ST8SIA5: variants seen among roughly 807,000 people sequenced by gnomAD.
ST8SIA5 encodes the protein alpha-2,8-sialyltransferase 8E.
ST8SIA5 carries 24 observed loss-of-function variants against 40.2 expected under a neutral mutation model. The observed-to-expected ratio is 0.60, with a 90% CI of 0.43 to 0.84. The LOEUF (loss-of-function observed/expected upper bound fraction) is 0.84, where lower values mean the gene tolerates loss of function less well. Among genes scored for constraint, ST8SIA5 ranks in the 40% least tolerant of loss-of-function variants. The pLI is 0.00. For synonymous variants in ST8SIA5, 198 were observed against 201.8 expected, an observed-to-expected ratio of 0.98 and a Z score of 0.16; for missense variants, 465 against 498.5, an observed-to-expected ratio of 0.93 and a Z score of 0.64.
intron 1 of ST8SIA5, among the ~76,000 whole-genome samples, chr18:46,735,964 G>T (rs1395985215): frequency 1.3e-5 from 2 of 151,968 alleles, no homozygotes; most frequent in Non-Finnish European, 2.9e-5. Flanking sequence ...AGGAAATTAG[G>T]GGAAGTGGAT....
At chr18:46,708,560 G>A (rs1232593650) in intron 1 of ST8SIA5, among the ~76,000 whole-genome samples, 1 of 152,096 alleles carries the variant, frequency 6.6e-6, no homozygotes, top group Non-Finnish European at 1.5e-5. Flanking sequence ...GCCCCTATCA[G>A]GCTCCCATAC....
Position 46,679,161 on chromosome 18 carries a change from G to A in ST8SIA5, c.*881C>T, listed in dbSNP as rs985012598. The A allele has an allele frequency of 6.6e-6, 1 of 152,258 alleles. No homozygotes were observed. Among genetic ancestry groups the A allele is most frequent in the Non-Finnish European group, 1.5e-5 (1 of 68,052 alleles). 9.4% of individuals were successfully genotyped at this position (152,258 alleles called of 1,614,324 possible). A position where few individuals can be genotyped will look rare whatever the true frequency, so the allele number is the denominator to read the frequency against. ...TTTATAAATAACTCCTGGTTTAAAT[G>A]GAGCTGAAAATAGGAAGACAAAAGA... On this transcript the variant is annotated 3_prime_UTR_variant, in exon 7 of 7. Transcript: ENST00000315087.
chr18:46,681,021 G>A (rs1249938050), intron 6 of ST8SIA5, among the ~76,000 whole-genome samples: 1 of 152,234 alleles, frequency 6.6e-6, no homozygotes, highest in African/African-American at 2.4e-5. Flanking sequence ...ATCCAGGCTG[G>A]AGTGCAGTGG....
At chr18:46,687,084 G>A (rs1011553159) in intron 4 of ST8SIA5, among the ~76,000 whole-genome samples, 1 of 152,190 alleles carries the variant, frequency 6.6e-6, no homozygotes, top group Non-Finnish European at 1.5e-5. Flanking sequence ...AGGGACAAGC[G>A]AACTACATAC....
At chr18:46,736,714 C>T (rs1011491486) in intron 1 of ST8SIA5, among the ~76,000 whole-genome samples, 2 of 152,018 alleles carry the variant, frequency 1.3e-5, no homozygotes, top group African/African-American at 4.8e-5. Flanking sequence ...TTTGGCCTTC[C>T]TTTGCCCAGA....
chr18:46,730,315 A>C, intron 1 of ST8SIA5: 4 of 942,258 alleles, frequency 4.2e-6, no homozygotes, highest in Non-Finnish European at 5.1e-6. Flanking sequence ...CAGTTTTCTC[A>C]TCCGTCAAAG....
chr18:46,712,279 C>G (rs1167004794), intron 1 of ST8SIA5, among the ~76,000 whole-genome samples: 1 of 152,186 alleles, frequency 6.6e-6, no homozygotes, highest in Non-Finnish European at 1.5e-5. Context: ...TTCTCATGGA[C>G]TTTGACCACC....
At chr18:46,751,684 C>T (rs1214197595) in intron 1 of ST8SIA5, among the ~76,000 whole-genome samples, 1 of 152,006 alleles carries the variant, frequency 6.6e-6, no homozygotes, top group Non-Finnish European at 1.5e-5. Flanking sequence ...TATGAGCCAC[C>T]GCACATGGCA....
chr18:46,698,712 G>A (rs1467036529), intron 2 of ST8SIA5, among the ~76,000 whole-genome samples: 2 of 152,212 alleles, frequency 1.3e-5, no homozygotes, highest in African/African-American at 4.8e-5. Flanking sequence ...AGAAGCTATA[G>A]GTTCTAAGCA....
chr18:46,732,852 T>A (rs1044524410), intron 1 of ST8SIA5, among the ~76,000 whole-genome samples: 2 of 148,262 alleles, frequency 1.3e-5, no homozygotes, highest in Non-Finnish European at 3.0e-5. Context: ...TGTGAGAGAG[T>A]CCTGGGGGAG....
At chr18:46,735,779 A>AG (rs113599410) in intron 1 of ST8SIA5, among the ~76,000 whole-genome samples, 2 of 145,274 alleles carry the variant, frequency 1.4e-5, no homozygotes, top group Non-Finnish European at 3.0e-5. Flanking sequence ...CACCTGGATA[A>AG]TTTTTTTTTT....
intron 1 of ST8SIA5, among the ~76,000 whole-genome samples, chr18:46,706,769 G>C (rs2039674265): frequency 6.6e-6 from 1 of 152,182 alleles, no homozygotes; most frequent in Non-Finnish European, 1.5e-5. Context: ...CTGTTATAGG[G>C]GAAGAATGGC....
intron 2 of ST8SIA5, among the ~76,000 whole-genome samples, chr18:46,692,465 G>A (rs2039516061): frequency 6.6e-6 from 1 of 151,594 alleles, no homozygotes; most frequent in Non-Finnish European, 1.5e-5. Flanking sequence ...GTGCAATGGT[G>A]TGATCTCAGC....
intron 4 of ST8SIA5, among the ~76,000 whole-genome samples, chr18:46,687,040 G>A (rs555001254): frequency 1.3e-5 from 2 of 152,290 alleles, no homozygotes; most frequent in South Asian, 4.1e-4. Flanking sequence ...GGGAAGTTCA[G>A]GAAATGTGAT....
intron 1 of ST8SIA5, among the ~76,000 whole-genome samples, chr18:46,713,773 A>G (rs1046737367): frequency 3.3e-5 from 5 of 152,196 alleles, no homozygotes; most frequent in Non-Finnish European, 5.9e-5. Flanking sequence ...CTGATCTAGC[A>G]ACCAGGAAGT....
chr18:46,753,068 T>C (rs993188057), intron 1 of ST8SIA5, among the ~76,000 whole-genome samples: 4 of 152,228 alleles, frequency 2.6e-5, no homozygotes, highest in African/African-American at 9.6e-5. Flanking sequence ...TTGCTGAGGC[T>C]AGTGACCCAC....
intron 1 of ST8SIA5, among the ~76,000 whole-genome samples, chr18:46,729,322 G>A (rs1364365755): frequency 4.6e-5 from 7 of 152,100 alleles, no homozygotes; most frequent in Admixed American, 4.6e-4. Flanking sequence ...ATCTAAAACT[G>A]AGCCCCAAAT....
At chr18:46,719,965 A>G (rs1211301384) in intron 1 of ST8SIA5, among the ~76,000 whole-genome samples, 2 of 151,542 alleles carry the variant, frequency 1.3e-5, no homozygotes, top group East Asian at 3.9e-4. Context: ...CAGCCTCCTG[A>G]GTAGCTGGGA....
intron 1 of ST8SIA5, among the ~76,000 whole-genome samples, chr18:46,733,996 G>T (rs1051986906): frequency 6.6e-6 from 1 of 152,076 alleles, no homozygotes; most frequent in African/African-American, 2.4e-5. Context: ...TCCCTAGGGG[G>T]CTCTGACCGC....
Sources: gnomAD v4.1 joint callset for allele counts (sites outside exome capture counted in the v4.1 genomes callset) on GRCh38, gnomAD v4.1.1 for gene constraint, MANE v1.5 for transcripts, NCBI Gene and HGNC (gene_info 2026-07-23, HGNC 2026-07-21) for gene names.